Variants in RGS17 observed in about 807,000 individuals in gnomAD.
RGS17 encodes regulator of G-protein signaling 17.
In RGS17, 12 loss-of-function variants were observed where a neutral mutation model predicts 25.5. The observed-to-expected ratio is 0.47, with a 90% CI of 0.30 to 0.76. RGS17 has a LOEUF of 0.76. Ranked by LOEUF, RGS17 falls within the 30% of genes least tolerant of loss-of-function variation. The pLI is 0.07. For missense variants in RGS17, 196 were observed against 242.2 expected, an observed-to-expected ratio of 0.81 and a Z score of 1.27; for synonymous variants, 71 against 76.9, an observed-to-expected ratio of 0.92 and a Z score of 0.40.
intron 1 of RGS17, among the ~76,000 whole-genome samples, chr6:153,112,043 A>T (rs868494782): frequency 6.6e-6 from 1 of 152,052 alleles, no homozygotes; most frequent in African/African-American, 2.4e-5. Flanking sequence ...AAGGATCACA[A>T]CTCCTCACCA....
chr6:153,093,613 G>T (rs1777163421), intron 1 of RGS17, among the ~76,000 whole-genome samples: 1 of 152,150 alleles, frequency 6.6e-6, no homozygotes, highest in South Asian at 2.1e-4. Flanking sequence ...TACATTTCGG[G>T]CAAGGTTCCT....
chr6:153,071,007 A>G (rs1478393752), intron 1 of RGS17, among the ~76,000 whole-genome samples: 5 of 150,494 alleles, frequency 3.3e-5, no homozygotes, highest in East Asian at 2.0e-4. Flanking sequence ...GTACATGTGT[A>G]TATGCACGTA....
At chr6:153,073,657 T>C (rs1042885374) in intron 1 of RGS17, among the ~76,000 whole-genome samples, 2 of 152,102 alleles carry the variant, frequency 1.3e-5, no homozygotes, top group African/African-American at 4.8e-5. Context: ...TGGAGAGTGG[T>C]CTTCCCACCA....
chr6:153,116,345 G>C (rs191068856), intron 1 of RGS17, among the ~76,000 whole-genome samples: 1 of 152,204 alleles, frequency 6.6e-6, no homozygotes, highest in Admixed American at 6.5e-5. Context: ...CTGGTCATTA[G>C]AGAAATGCAA....
At chr6:153,126,886 T>G (rs1349050609) in intron 1 of RGS17, among the ~76,000 whole-genome samples, 1 of 152,210 alleles carries the variant, frequency 6.6e-6, no homozygotes, top group Non-Finnish European at 1.5e-5. Context: ...ATATCAATTT[T>G]AATTTCTTGA....
chr6:153,018,391 C>A (rs914686053), intron 4 of RGS17, among the ~76,000 whole-genome samples: 2 of 152,176 alleles, frequency 1.3e-5, no homozygotes, highest in African/African-American at 4.8e-5. Flanking sequence ...ATTCATTTCA[C>A]CTCTTTGAGT....
Position 153,008,294 on chromosome 6 carries a change from A to C in RGS17, c.*3280T>G, listed in dbSNP as rs913824398. The C allele has an allele frequency of 6.6e-6, 1 of 151,222 alleles. No homozygotes were observed. Among genetic ancestry groups the C allele is most frequent in the Non-Finnish European group, 1.5e-5 (1 of 67,934 alleles). The allele number at this position is 151,222 out of a possible 1,614,324, so 9.4% of individuals were successfully genotyped here. ...CATCCATGCACTAAGACGGCATATC[A>C]GAACTGGTCATTCTATGTACATATT... On this transcript the variant is annotated 3_prime_UTR_variant, in exon 5 of 5. Transcript: ENST00000206262.
At chr6:153,097,413 C>T (rs1777232622) in intron 1 of RGS17, among the ~76,000 whole-genome samples, 1 of 150,634 alleles carries the variant, frequency 6.6e-6, no homozygotes, top group South Asian at 2.1e-4. Flanking sequence ...ATTCTCCTGC[C>T]GCAGCCTCCC....
Position 153,004,660 on chromosome 6 carries a change from G to A in RGS17, c.*6914C>T, listed in dbSNP as rs1779054474. The A allele has an allele frequency of 6.6e-6, 1 of 151,846 alleles. No homozygotes were observed. The allele number at this position is 151,846 out of a possible 1,614,324, so 9.4% of individuals were successfully genotyped here. A position where few individuals can be genotyped will look rare whatever the true frequency, so the allele number is the denominator to read the frequency against. On this transcript the variant is annotated 3_prime_UTR_variant, in exon 5 of 5. Coordinates refer to ENST00000206262, the MANE Select transcript of RGS17 (RefSeq NM_012419.5). ...CTGTCATGCTCAAATTCTGTTACAT[G>A]GTGAAAATTCTAGCATTTTCCAGAA...
intron 1 of RGS17, among the ~76,000 whole-genome samples, chr6:153,065,508 C>G (rs1275312900): frequency 6.6e-6 from 1 of 152,138 alleles, no homozygotes; most frequent in Non-Finnish European, 1.5e-5. Context: ...ATGGATCATT[C>G]TCAAGGATAG....
chr6:153,049,744 C>T (rs1020201059), intron 1 of RGS17, among the ~76,000 whole-genome samples: 1 of 126,722 alleles, frequency 7.9e-6, no homozygotes, highest in African/African-American at 2.9e-5. Flanking sequence ...GAGTGAGACT[C>T]CTTCTCAAAA....
In RGS17 at chr6:153,085,759, A is replaced by AT. The variant is rs545984627; in HGVS notation, c.-25-41717dup. On this transcript the variant is annotated intron_variant, in intron 1 of 4. Coordinates refer to ENST00000206262, the MANE Select transcript of RGS17 (RefSeq NM_012419.5). The stretch of plus-strand genomic sequence containing the variant: ...GCTACATTTCCTTCATTACTCTTAC[A>AT]TTTTTTTCTTTAACAAATCCATTAA... 3.9e-3 allele frequency among the ~76,000 whole-genome samples: 590 copies of AT among 152,208 alleles called. 7 individuals are homozygous for AT. The highest frequency in any genetic ancestry group is 0.013 in the African/African-American group (546 of 41,546).
At chr6:153,028,527 A>G (rs1439325392) in intron 2 of RGS17, among the ~76,000 whole-genome samples, 1 of 152,190 alleles carries the variant, frequency 6.6e-6, no homozygotes, top group East Asian at 1.9e-4. Flanking sequence ...AGTATTTTAG[A>G]GGAGATTCAT....
chr6:153,067,090 T>A (rs995687045), intron 1 of RGS17, among the ~76,000 whole-genome samples: 1 of 151,968 alleles, frequency 6.6e-6, no homozygotes, highest in Non-Finnish European at 1.5e-5. Context: ...TGAAAAATCA[T>A]CTGATATTAT....
At chr6:153,070,812 T>C (rs1170120486) in intron 1 of RGS17, among the ~76,000 whole-genome samples, 2 of 150,756 alleles carry the variant, frequency 1.3e-5, no homozygotes, top group African/African-American at 2.4e-5. Context: ...CATATACACA[T>C]ATACATATAC....
chr6:153,107,323 A>AAC (rs960989948), intron 1 of RGS17, among the ~76,000 whole-genome samples: 9 of 152,106 alleles, frequency 5.9e-5, no homozygotes, highest in African/African-American at 2.2e-4. Flanking sequence ...ATAACAGTGA[A>AAC]AATTTTGTCT....
At chr6:153,081,177 A>T (rs1776973975) in intron 1 of RGS17, among the ~76,000 whole-genome samples, 1 of 151,990 alleles carries the variant, frequency 6.6e-6, no homozygotes, top group African/African-American at 2.4e-5. Flanking sequence ...TGTTCTACCA[A>T]TTATTCGGAA....
intron 4 of RGS17, among the ~76,000 whole-genome samples, chr6:153,019,784 A>G (rs146829107): frequency 1.1e-3 from 172 of 152,218 alleles, no homozygotes; most frequent in African/African-American, 3.6e-3. Flanking sequence ...CTGTGAGCCA[A>G]TTAAACCACT....
intron 1 of RGS17, among the ~76,000 whole-genome samples, chr6:153,075,628 A>T (rs1360553437): frequency 6.6e-6 from 1 of 152,128 alleles, no homozygotes; most frequent in Non-Finnish European, 1.5e-5. Flanking sequence ...GAGTCTTCTG[A>T]GTCTGAATGG....
Sources: allele counts gnomAD v4.1 joint callset (sites outside exome capture counted in the v4.1 genomes callset), GRCh38; gene constraint gnomAD v4.1.1; transcripts MANE v1.5; gene names NCBI Gene and HGNC (gene_info 2026-07-23, HGNC 2026-07-21).